The following C5 variants were observed in gnomAD, a reference collection of about 807,000 sequenced individuals.
C5 encodes the protein complement C5.
In C5, 140 loss-of-function variants were observed where a neutral mutation model predicts 218.8. The ratio of observed to expected loss-of-function variants is 0.64; its 90% confidence interval spans 0.56 to 0.74. C5 has a LOEUF of 0.74. C5 is among the 30% of genes least tolerant of loss of function. The probability of loss-of-function intolerance (pLI) is 0.00; values close to 1 mark genes in which losing one functional copy is unlikely to be tolerated. For missense variants in C5, 1,700 were observed against 1,969.6 expected (o/e 0.86, Z 2.59); for synonymous variants, 614 against 682.3 (o/e 0.90, Z 1.56).
chr9:121,052,662 C>G (rs2047678565), upstream of C5, among the ~76,000 whole-genome samples: 1 of 152,008 alleles, frequency 6.6e-6, no homozygotes, highest in Non-Finnish European at 1.5e-5. Flanking sequence ...CCTAGTGCAC[C>G]AGGCCCCTCT....
At chr9:121,072,812 T>TAAAAAAAAA in the C5 span, among the ~76,000 whole-genome samples, 35 of 98,516 alleles carry the variant, frequency 3.6e-4, no homozygotes, top group Admixed American at 4.5e-4. Context: ...TTCAAAAAAT[T>TAAAAAAAAA]AAAAAAAAAA....
At chr9:120,972,055 G>A in intron 30 of C5, 63 bp from the exon 31 acceptor site, 1 of 1,410,996 alleles carries the variant, frequency 7.1e-7, no homozygotes, top group Non-Finnish European at 1.0e-6. Flanking sequence ...AGGGAGGATA[G>A]AGCTATGAAA....
At chr9:121,027,977 G>T (rs1386417906) in intron 7 of C5, among the ~76,000 whole-genome samples, 1 of 152,022 alleles carries the variant, frequency 6.6e-6, no homozygotes, top group African/African-American at 2.4e-5. Context: ...AATCTACAAA[G>T]AACTTAAACA....
At chr9:121,014,330 C>T (rs2047288474) in intron 16 of C5, among the ~76,000 whole-genome samples, 2 of 152,126 alleles carry the variant, frequency 1.3e-5, no homozygotes, top group Admixed American at 1.3e-4. Flanking sequence ...ACTCTTGAAA[C>T]TGGAACTTTG....
chr9:120,977,543 T>C (rs1233876456), intron 28 of C5, among the ~76,000 whole-genome samples: 1 of 152,072 alleles, frequency 6.6e-6, no homozygotes, highest in East Asian at 1.9e-4. Flanking sequence ...GCAGCCTCAA[T>C]CTCTTGGGCT....
At chr9:120,983,157 A>G (rs890912152) in intron 25 of C5, among the ~76,000 whole-genome samples, 13 of 152,226 alleles carry the variant, frequency 8.5e-5, no homozygotes, top group Admixed American at 7.8e-4. Context: ...TGAGACATGA[A>G]AGAGTAAATC....
intron 33 of C5, among the ~76,000 whole-genome samples, chr9:120,965,521 AAAATAAAT>A (rs201361366): frequency 0.074 from 10,935 of 147,024 alleles, 506 homozygotes; most frequent in African/African-American, 0.12. Context: ...CTCTGCCTCA[AAAATAAAT>A]AAATAAATAA....
At chr9:121,032,052 G>T in intron 6 of C5, 61 bp downstream of exon 6, 1 of 988,284 alleles carries the variant, frequency 1.0e-6, no homozygotes, top group South Asian at 1.3e-5. Context: ...AACAGAGCGA[G>T]ACTCCATCTC....
intron 3 of C5, among the ~76,000 whole-genome samples, chr9:121,040,178 C>T (rs139711729): frequency 0.012 from 1,872 of 152,144 alleles, 44 homozygotes; most frequent in Middle Eastern, 0.024. Flanking sequence ...TGTGATGACA[C>T]GTGAGGGTGA....
intron 33 of C5, among the ~76,000 whole-genome samples, chr9:120,966,987 T>G (rs1371730674): frequency 6.6e-6 from 1 of 151,952 alleles, no homozygotes; most frequent in Non-Finnish European, 1.5e-5. Flanking sequence ...AGGCTGAGCG[T>G]GGTGGCTCAG....
intron 33 of C5, 87 bp downstream of exon 33, chr9:120,968,974 C>A: frequency 8.8e-7 from 1 of 1,135,790 alleles, no homozygotes; most frequent in African/African-American, 1.5e-5. Context: ...TCTGGACATA[C>A]CAAAATTTGA....
chr9:121,018,252 CAAAAAAAAAAA>C (rs1189613789), intron 12 of C5, among the ~76,000 whole-genome samples: 4 of 42,212 alleles, frequency 9.5e-5, no homozygotes, highest in South Asian at 9.4e-4. Flanking sequence ...GACTCTGTCT[CAAAAAAAAAAA>C]AAAAAAAAAA....
intron 1 of C5, among the ~76,000 whole-genome samples, chr9:121,049,492 A>G (rs1373913169): frequency 6.6e-6 from 1 of 152,202 alleles, no homozygotes; most frequent in Admixed American, 6.5e-5. Flanking sequence ...ATTTATGACA[A>G]AATGAAAAAA....
chr9:121,017,847 T>TA lies in C5; in HGVS notation c.1511dup (p.Leu504PhefsTer54). On this transcript the variant is annotated frameshift_variant, in exon 13 of 41. Transcript: ENST00000223642. LOFTEE classifies it high-confidence loss of function. ...CAAAGTGGATAATTTTGCCCTTGGA[T>TA]AAAATCTAAAAATAAACAGCAGCAG... is the stretch of plus-strand genomic sequence containing the variant. 6.2e-7 allele frequency: 1 copy of TA among 1,601,786 alleles called. No individual in the cohort carries two copies. The highest frequency in any genetic ancestry group is 8.6e-7 in the Non-Finnish European group (1 of 1,169,200).
intron 36 of C5, among the ~76,000 whole-genome samples, chr9:120,962,112 G>C (rs2131668656): frequency 6.6e-6 from 1 of 152,262 alleles, no homozygotes; most frequent in African/African-American, 2.4e-5. Context: ...TCTCAAAAAT[G>C]GCTGAATAGT....
At chr9:121,065,083 A>C in the C5 span, among the ~76,000 whole-genome samples, 1 of 152,000 alleles carries the variant, frequency 6.6e-6, no homozygotes, top group Admixed American at 6.5e-5. Flanking sequence ...AAATATATAT[A>C]TATATATATG....
intron 25 of C5, among the ~76,000 whole-genome samples, chr9:120,983,029 C>T (rs1414582852): frequency 6.6e-6 from 1 of 152,186 alleles, no homozygotes; most frequent in African/African-American, 2.4e-5. Context: ...GTGATTACAA[C>T]ATTGTCCGCT....
intron 3 of C5, 23 bp from the exon 4 acceptor site, chr9:121,037,974 C>A (rs891742372): frequency 9.0e-6 from 10 of 1,108,166 alleles, no homozygotes; most frequent in South Asian, 8.8e-5. Context: ...TTGATATAAT[C>A]AAAAACTCTG....
the C5 span, among the ~76,000 whole-genome samples, chr9:121,059,341 CAAG>C: frequency 5.9e-5 from 9 of 152,172 alleles, no homozygotes; most frequent in African/African-American, 2.2e-4. This position sits in a 1 kb window ranked among gnomAD's most constrained non-coding sequence, Gnocchi z 4.1. Context: ...AAACAACATA[CAAG>C]GAGGAGATGC....
Sources: allele counts gnomAD v4.1 joint callset (sites outside exome capture counted in the v4.1 genomes callset), GRCh38; gene constraint gnomAD v4.1.1; non-coding constraint Gnocchi (gnomAD v3.1); transcripts MANE v1.5; gene names NCBI Gene and HGNC (gene_info 2026-07-23, HGNC 2026-07-21).